The following GPM6A variants were observed in gnomAD, a reference collection of about 807,000 sequenced individuals.
The protein encoded by GPM6A is glycoprotein M6A, also known as neuronal membrane glycoprotein M6-a.
Under a neutral mutation model 32.1 loss-of-function variants are expected in GPM6A, and 7 were observed. That is an observed-to-expected ratio of 0.22 (90% CI 0.12 to 0.41). The LOEUF (loss-of-function observed/expected upper bound fraction) is 0.41, where lower values mean the gene tolerates loss of function less well. Ranked by LOEUF, GPM6A falls within the 10% of genes least tolerant of loss-of-function variation. The pLI, the probability that GPM6A is intolerant of heterozygous loss-of-function variation, is 1.00. For synonymous variants in GPM6A, 130 were observed against 123.4 expected (o/e 1.05, Z -0.35); for missense variants, 235 against 347.2 (o/e 0.68, Z 2.57).
intron 1 of GPM6A, among the ~76,000 whole-genome samples, chr4:175,765,056 C>T (rs537273029): frequency 6.6e-6 from 1 of 151,694 alleles, no homozygotes; most frequent in Non-Finnish European, 1.5e-5. Flanking sequence ...GTATTTTTAG[C>T]AGAGATGTGT....
intron 1 of GPM6A, among the ~76,000 whole-genome samples, chr4:175,758,236 C>CA (rs534530915): frequency 1.1e-4 from 16 of 151,822 alleles, no homozygotes; most frequent in Middle Eastern, 3.4e-3. Flanking sequence ...AGGGCTGGGA[C>CA]AAAAAAATGC....
At chr4:175,922,077 G>A (rs188748138) in intron 1 of GPM6A, among the ~76,000 whole-genome samples, 1 of 152,242 alleles carries the variant, frequency 6.6e-6, no homozygotes, top group African/African-American at 2.4e-5. Flanking sequence ...ATACTTACAT[G>A]ATTCATAATG....
chr4:175,993,635 A>G (rs1741218171), intron 1 of GPM6A, among the ~76,000 whole-genome samples: 1 of 152,180 alleles, frequency 6.6e-6, no homozygotes, highest in Admixed American at 6.5e-5. Context: ...TAAATTTTGT[A>G]TTTTTGTATC....
At chr4:175,834,292 A>G (rs1221514577) in intron 1 of GPM6A, among the ~76,000 whole-genome samples, 1 of 152,198 alleles carries the variant, frequency 6.6e-6, no homozygotes, top group African/African-American at 2.4e-5. Flanking sequence ...CTTCCACAAA[A>G]GGACAAAAGA....
chr4:175,947,207 C>T (rs995742846), intron 1 of GPM6A, among the ~76,000 whole-genome samples: 1 of 150,678 alleles, frequency 6.6e-6, no homozygotes, highest in Non-Finnish European at 1.5e-5. Context: ...AAAACACTAG[C>T]TCGAATTTCC....
intron 3 of GPM6A, among the ~76,000 whole-genome samples, chr4:175,664,093 A>G (rs978584460): frequency 5.9e-5 from 9 of 152,202 alleles, no homozygotes; most frequent in African/African-American, 2.2e-4. Context: ...AGCCAATCTG[A>G]AAAAGCTATA....
intron 1 of GPM6A, among the ~76,000 whole-genome samples, chr4:175,950,923 ATACT>A (rs1739786257): frequency 6.6e-6 from 1 of 152,218 alleles, no homozygotes; most frequent in South Asian, 2.1e-4. Context: ...GAAACTAAAA[ATACT>A]TACAGGAGCA....
chr4:175,705,633 A>T (rs1160317994), intron 1 of GPM6A, among the ~76,000 whole-genome samples: 1 of 152,120 alleles, frequency 6.6e-6, no homozygotes, highest in Non-Finnish European at 1.5e-5. Flanking sequence ...TTGGCAGAGC[A>T]GCAGAGTTGT....
intron 1 of GPM6A, among the ~76,000 whole-genome samples, chr4:175,999,385 T>C (rs1741406822): frequency 6.6e-6 from 1 of 152,230 alleles, no homozygotes; most frequent in African/African-American, 2.4e-5. Context: ...ACTATTTTGT[T>C]GCATCCTTTC....
chr4:175,777,748 T>C (rs557404005), intron 1 of GPM6A, among the ~76,000 whole-genome samples: 2 of 152,286 alleles, frequency 1.3e-5, no homozygotes, highest in Admixed American at 1.3e-4. Flanking sequence ...TTCAAACTTC[T>C]CTTCAATGTT....
chr4:175,667,971 A>C (rs376139840), intron 3 of GPM6A, among the ~76,000 whole-genome samples: 1 of 152,166 alleles, frequency 6.6e-6, no homozygotes, highest in Non-Finnish European at 1.5e-5. Flanking sequence ...AGAAGCATCC[A>C]CATGTTGCAA....
chr4:175,701,706 G>T lies in GPM6A; in HGVS notation c.99C>A (p.Thr33=), dbSNP rs753808225. The change falls in exon 2 of 7, where the codon ACC becomes ACA. Residue 33 remains threonine (T), a synonymous_variant. Transcript: ENST00000393658. ...GGIPYASLIA[T]ILLYAGVALF... ...GGGCAACACCCGCATAGAGCAGGAT[G>T]GTGGCAATCAGAGAGGCATAGGGAA... 6.8e-6 allele frequency: 11 copies of T among 1,613,728 alleles called. No homozygotes were observed. In the East Asian group the frequency reaches 2.5e-4, roughly 36 times the overall value.
intron 3 of GPM6A, among the ~76,000 whole-genome samples, chr4:175,655,179 T>C (rs1182199332): frequency 6.6e-6 from 1 of 152,124 alleles, no homozygotes; most frequent in African/African-American, 2.4e-5. Context: ...ATCAGTGCGG[T>C]GAGAAAATAT....
intron 1 of GPM6A, among the ~76,000 whole-genome samples, chr4:175,845,389 G>A (rs912180538): frequency 3.3e-5 from 5 of 152,002 alleles, no homozygotes; most frequent in Admixed American, 6.6e-5. Context: ...TGATTTCGAC[G>A]TTTCCCTAAC....
chr4:175,987,644 C>T (rs138557186), intron 1 of GPM6A, among the ~76,000 whole-genome samples: 52 of 151,898 alleles, frequency 3.4e-4, no homozygotes, highest in African/African-American at 1.2e-3. Flanking sequence ...AACAACTCCA[C>T]GATTATATAT....
At chr4:175,814,748 C>T (rs537925268), upstream of GPM6A, among the ~76,000 whole-genome samples, 1 of 152,292 alleles carries the variant, frequency 6.6e-6, no homozygotes, top group Non-Finnish European at 1.5e-5. Context: ...GAGATGCATA[C>T]ACATACATAG....
intron 1 of GPM6A, among the ~76,000 whole-genome samples, chr4:175,859,872 T>C (rs924033867): frequency 6.6e-6 from 1 of 152,082 alleles, no homozygotes; most frequent in African/African-American, 2.4e-5. Context: ...AGGGCTCTAA[T>C]GTAAAAAGTA....
intron 1 of GPM6A, among the ~76,000 whole-genome samples, chr4:175,854,565 C>T (rs925103562): frequency 2.6e-5 from 4 of 152,116 alleles, no homozygotes; most frequent in African/African-American, 9.7e-5. Flanking sequence ...ATACAAAGAT[C>T]TCTGAAAGAG....
At chr4:175,942,629 A>G (rs1206450062) in intron 1 of GPM6A, among the ~76,000 whole-genome samples, 1 of 152,204 alleles carries the variant, frequency 6.6e-6, no homozygotes, top group Non-Finnish European at 1.5e-5. Flanking sequence ...TTTATTAAAT[A>G]GGGAATCCAC....
Sources: allele counts gnomAD v4.1 joint callset (sites outside exome capture counted in the v4.1 genomes callset), GRCh38; gene constraint gnomAD v4.1.1; transcripts MANE v1.5; gene names NCBI Gene and HGNC (gene_info 2026-07-23, HGNC 2026-07-21).